Variants in TPR observed in about 807,000 individuals in gnomAD.
The protein encoded by TPR is nucleoprotein TPR.
Under a neutral mutation model 316.1 loss-of-function variants are expected in TPR, and 51 were observed. That is an observed-to-expected ratio of 0.16 (90% CI 0.13 to 0.20). The LOEUF is 0.20. Among genes scored for constraint, TPR ranks in the 10% least tolerant of loss-of-function variants. The pLI is 1.00. For synonymous variants in TPR, 981 were observed against 914.7 expected, an observed-to-expected ratio of 1.07 and a Z score of -1.31; for missense variants, 2,272 against 2,754.8, an observed-to-expected ratio of 0.82 and a Z score of 3.92.
At chr1:186,369,352 A>G (rs1659450791) in intron 3 of TPR, among the ~76,000 whole-genome samples, 1 of 152,110 alleles carries the variant, frequency 6.6e-6, no homozygotes. Flanking sequence ...TAGTGTGGAC[A>G]TTTTAGCAAT....
At chr1:186,319,614 C>T (rs557083464) in intron 46 of TPR, among the ~76,000 whole-genome samples, 45 of 152,244 alleles carry the variant, frequency 3.0e-4, no homozygotes, top group African/African-American at 1.1e-3. Flanking sequence ...GAACTAATAT[C>T]CTAAACAAGC....
chr1:186,336,380 A>G, intron 33 of TPR, 116 bp downstream of exon 33: 1 of 927,026 alleles, frequency 1.1e-6, no homozygotes, highest in Admixed American at 2.1e-5. Context: ...AAGCACACAT[A>G]CACACACAAA....
At chr1:186,336,799 T>C (rs996588068) in intron 32 of TPR, 105 bp from the exon 33 acceptor site, 61 of 1,364,084 alleles carry the variant, frequency 4.5e-5, no homozygotes, top group Non-Finnish European at 5.9e-5. Context: ...TTTTAAAAGA[T>C]TAAATGGAAG....
intron 2 of TPR, among the ~76,000 whole-genome samples, chr1:186,372,363 G>A (rs1285719909): frequency 1.3e-5 from 2 of 152,144 alleles, no homozygotes; most frequent in East Asian, 1.9e-4. Context: ...CCAACATGGC[G>A]AACCACTGTA....
intron 45 of TPR, among the ~76,000 whole-genome samples, chr1:186,320,987 C>T (rs746881426): frequency 6.6e-6 from 1 of 152,180 alleles, no homozygotes; most frequent in Non-Finnish European, 1.5e-5. Flanking sequence ...TTAACTCTGC[C>T]TATCTTTCCT....
Position 186,313,006 on chromosome 1 carries a change from G to A in TPR, c.*965C>T, listed in dbSNP as rs2102041418. The A allele has an allele frequency of 1.7e-6, 2 of 1,153,620 alleles. No homozygotes were observed. The highest frequency in any genetic ancestry group is 1.8e-5 in the Admixed American group (1 of 56,390). The allele number at this position is 1,153,620 out of a possible 1,614,324, so 71.5% of individuals were successfully genotyped here. On this transcript the variant is annotated 3_prime_UTR_variant, in exon 51 of 51. Transcript: ENST00000367478. ...ACTGAATGTGAGAAGTTACACTACGGTACTTATTCTAATTGCTGTGGAAAA... is the reference window on the plus strand; with the variant it reads ...ACTGAATGTGAGAAGTTACACTACGATACTTATTCTAATTGCTGTGGAAAA...
chr1:186,312,159 T>A lies in TPR; in HGVS notation c.*1812A>T, dbSNP rs1373414396. Reference sequence around the variant, plus strand: ...ATTAATTTTCATTTTCCATGTGATATTCTAATACATAACAGGTGGCAGCAT... The same window carrying A: ...ATTAATTTTCATTTTCCATGTGATAATCTAATACATAACAGGTGGCAGCAT... On this transcript the variant is annotated 3_prime_UTR_variant, in exon 51 of 51. Transcript: ENST00000367478. 1.9e-6 allele frequency: 3 copies of A among 1,610,002 alleles called. No individual in the cohort carries two copies. Among genetic ancestry groups the A allele is most frequent in the East Asian group, 4.5e-5 (2 of 44,850 alleles).
At chr1:186,327,415 C>T (rs1042634050) in intron 40 of TPR, 45 bp downstream of exon 40, 1 of 1,589,212 alleles carries the variant, frequency 6.3e-7, no homozygotes, top group Non-Finnish European at 8.5e-7. Context: ...TGAGCACTTT[C>T]ATCCAATAGT....
intron 3 of TPR, among the ~76,000 whole-genome samples, chr1:186,369,953 G>A (rs924192878): frequency 6.6e-6 from 1 of 151,776 alleles, no homozygotes; most frequent in Admixed American, 6.6e-5. Context: ...ATTTTCCTCG[G>A]TTACAGATCC....
At chr1:186,371,580 C>T (rs962838633) in intron 2 of TPR, among the ~76,000 whole-genome samples, 4 of 152,016 alleles carry the variant, frequency 2.6e-5, no homozygotes, top group Non-Finnish European at 5.9e-5. Flanking sequence ...GGGCTCTTTT[C>T]CCTTACATGC....
intron 20 of TPR, 88 bp from the exon 21 acceptor site, chr1:186,350,476 G>T (rs1210621431): frequency 1.0e-5 from 10 of 995,464 alleles, no homozygotes; most frequent in South Asian, 2.2e-5. Context: ...TTGGAGCTCG[G>T]CCAAGAGAGT....
Position 186,375,078 on chromosome 1 carries a change from G to A in TPR, c.-50C>T. Reference sequence around the variant, plus strand: ...GGCAGCGGCCGACGGGGTAGAAGCGGAGAAGAAAGGCGAAGACCAGCAGGA... The same window carrying A: ...GGCAGCGGCCGACGGGGTAGAAGCGAAGAAGAAAGGCGAAGACCAGCAGGA... On this transcript the variant is annotated 5_prime_UTR_variant, in exon 1 of 51. Transcript: ENST00000367478. 2 of 1,611,324 alleles carry A rather than the reference G, an allele frequency of 1.2e-6. No homozygotes were observed. The highest frequency in any genetic ancestry group is 1.7e-6 in the Non-Finnish European group (2 of 1,179,028).
At chr1:186,361,546 T>C (rs1659187110) in intron 9 of TPR, 76 bp downstream of exon 9, 1 of 1,418,744 alleles carries the variant, frequency 7.0e-7, no homozygotes, top group Non-Finnish European at 9.8e-7. Flanking sequence ...AATCCAATCA[T>C]CTATACAAAA....
chr1:186,336,312 C>T (rs566542230), intron 33 of TPR, among the ~76,000 whole-genome samples, 184 bp downstream of exon 33: 1 of 152,226 alleles, frequency 6.6e-6, no homozygotes, highest in South Asian at 2.1e-4. Flanking sequence ...CAAGGATATC[C>T]TCATCACTTG....
chr1:186,336,078 T>C (rs1004210691), intron 33 of TPR, among the ~76,000 whole-genome samples: 8 of 152,016 alleles, frequency 5.3e-5, no homozygotes, highest in African/African-American at 1.9e-4. Context: ...AAATTTGACA[T>C]GATACTCTCC....
At chr1:186,357,708 A>C (rs1346174437) in intron 13 of TPR, 85 bp from the exon 14 acceptor site, 2 of 1,194,380 alleles carry the variant, frequency 1.7e-6, no homozygotes, top group East Asian at 5.1e-5. Flanking sequence ...AAATTAAAAC[A>C]TTACTTATAA....
intron 9 of TPR, 57 bp downstream of exon 9, chr1:186,361,565 A>T: frequency 8.6e-7 from 1 of 1,158,928 alleles, no homozygotes; most frequent in Non-Finnish European, 1.2e-6. Flanking sequence ...AACAAGGGTA[A>T]AAAAAAAAAA....
chr1:186,336,961 TTTAGGTGTATAACAGGAAAGAA>T (rs1453001516), intron 32 of TPR, 30 bp downstream of exon 32: 1 of 1,606,748 alleles, frequency 6.2e-7, no homozygotes, highest in African/African-American at 1.3e-5. Flanking sequence ...CACATATTTC[TTTAGGTGTATAACAGGAAAGAA>T]TTAGGAACAG....
At chr1:186,328,912 A>T (rs1172840940) in intron 39 of TPR, among the ~76,000 whole-genome samples, 1 of 152,174 alleles carries the variant, frequency 6.6e-6, no homozygotes, top group East Asian at 1.9e-4. Flanking sequence ...CACTAAAATC[A>T]ATTTTTTATA....
Sources: allele counts gnomAD v4.1 joint callset (sites outside exome capture counted in the v4.1 genomes callset), GRCh38; gene constraint gnomAD v4.1.1; transcripts MANE v1.5; gene names NCBI Gene and HGNC (gene_info 2026-07-23, HGNC 2026-07-21).